Variants in PUS10 observed in about 807,000 individuals in gnomAD.
The protein encoded by PUS10 is pseudouridine synthase 10, also known as tRNA pseudouridine synthase Pus10.
In PUS10, 59 loss-of-function variants were observed where a neutral mutation model predicts 75.0. The ratio of observed to expected loss-of-function variants is 0.79; its 90% CI spans 0.64 to 0.98. The LOEUF (loss-of-function observed/expected upper bound fraction) is 0.98, where lower values mean the gene tolerates loss of function less well. Among genes scored for constraint, PUS10 ranks in the 50% least tolerant of loss-of-function variants. The probability of loss-of-function intolerance (pLI) is 0.00; values close to 1 mark genes in which losing one functional copy is unlikely to be tolerated. For missense variants in PUS10, 650 were observed against 614.4 expected, an observed-to-expected ratio of 1.06 and a Z score of -0.61; for synonymous variants, 219 against 211.6, an observed-to-expected ratio of 1.03 and a Z score of -0.30.
At chr2:61,015,313 C>T (rs562044286) in intron 1 of PUS10, among the ~76,000 whole-genome samples, 10 of 152,190 alleles carry the variant, frequency 6.6e-5, no homozygotes, top group Admixed American at 4.6e-4. Flanking sequence ...CCAGCCTGGC[C>T]AACATGGTAA....
chr2:61,001,122 T>C (rs549623698), intron 4 of PUS10, among the ~76,000 whole-genome samples: 1 of 152,346 alleles, frequency 6.6e-6, no homozygotes, highest in South Asian at 2.1e-4. Flanking sequence ...ATCAGCAGTA[T>C]ACTATCAGTT....
chr2:60,953,995 T>G lies in PUS10; in HGVS notation c.1135-7A>C. 6.2e-7 allele frequency: 1 copy of G among 1,612,264 alleles called. No homozygotes were observed. The highest frequency in any genetic ancestry group is 8.5e-7 in the Non-Finnish European group (1 of 1,178,242). On this transcript the variant is annotated splice_region_variant and splice_polypyrimidine_tract_variant and intron_variant, in intron 13 of 17. Transcript: ENST00000316752. Reference sequence around the variant, plus strand: ...TAGATGAGTTATTAATTTTCTGTAGTAGCAGAAAAAGAAAAACAATTAGCA... The same window carrying G: ...TAGATGAGTTATTAATTTTCTGTAGGAGCAGAAAAAGAAAAACAATTAGCA...
At chr2:60,979,761 T>C (rs1357664672) in intron 4 of PUS10, among the ~76,000 whole-genome samples, 1 of 152,154 alleles carries the variant, frequency 6.6e-6, no homozygotes, top group Non-Finnish European at 1.5e-5. Context: ...TAACTCTAGG[T>C]TTTCTCTCTA....
At chr2:61,009,325 G>A (rs1477258863) in intron 2 of PUS10, among the ~76,000 whole-genome samples, 1 of 152,168 alleles carries the variant, frequency 6.6e-6, no homozygotes, top group African/African-American at 2.4e-5. Context: ...GTTCTGTTGT[G>A]AGAGTCATTC....
chr2:60,947,997 A>G (rs561108418), intron 16 of PUS10, 46 bp downstream of exon 16: 8 of 1,610,646 alleles, frequency 5.0e-6, no homozygotes, highest in Middle Eastern at 1.7e-4. Context: ...AACTTTTCCA[A>G]TAGAGTTCTG....
intron 5 of PUS10, 50 bp from the exon 6 acceptor site, chr2:60,967,663 T>C: frequency 4.8e-6 from 6 of 1,259,734 alleles, no homozygotes; most frequent in Non-Finnish European, 5.7e-6. Context: ...TTACTTTTTC[T>C]ATTAAAGGCA....
chr2:60,945,727 A>G (rs972994909), intron 16 of PUS10, among the ~76,000 whole-genome samples: 3 of 152,218 alleles, frequency 2.0e-5, no homozygotes, highest in Admixed American at 1.3e-4. Context: ...GCAACTTTGT[A>G]TTTCTCTCAA....
chr2:60,942,369 A>G lies in PUS10; in HGVS notation c.*26T>C, dbSNP rs1163282607. 6.2e-7 allele frequency: 1 copy of G among 1,607,668 alleles called. No homozygotes were observed. Among genetic ancestry groups the G allele is most frequent in the Admixed American group, 1.7e-5 (1 of 60,008 alleles). ...ATGTCCACATCATGCCAGGAAAACCATACTCTTTGTCTCCAAATTTGAAAG... is the reference window on the plus strand; with the variant it reads ...ATGTCCACATCATGCCAGGAAAACCGTACTCTTTGTCTCCAAATTTGAAAG... On this transcript the variant is annotated 3_prime_UTR_variant, in exon 18 of 18. Transcript: ENST00000316752.
intron 17 of PUS10, among the ~76,000 whole-genome samples, chr2:60,944,469 C>T (rs1280973087): frequency 6.6e-6 from 1 of 152,010 alleles, no homozygotes; most frequent in African/African-American, 2.4e-5. Context: ...TGAAGAAACA[C>T]CACTCGTGAC....
chr2:61,003,884 T>C (rs1316681030), intron 4 of PUS10, among the ~76,000 whole-genome samples: 2 of 152,180 alleles, frequency 1.3e-5, no homozygotes, highest in Non-Finnish European at 2.9e-5. Flanking sequence ...ACCCTCTGTT[T>C]CTTTTGTAAG....
rs916185293 is a variant in PUS10 at position 60,972,418 on chromosome 2, C to T, written c.469-861G>A. ...CCGGGAGGCGGAGCTTGCAGTGAGC[C>T]GAGATCGCGCCACTGCCCTCCAGCC... On this transcript the variant is annotated intron_variant, in intron 4 of 17. Transcript: ENST00000316752. Among the ~76,000 whole-genome samples the T allele has an allele frequency of 2.6e-5, 4 of 151,578 alleles. No individual in the cohort carries two copies. The East Asian group carries it at 7.9e-4, about 30-fold the overall frequency.
At chr2:60,999,128 C>T (rs1678677952) in intron 4 of PUS10, among the ~76,000 whole-genome samples, 1 of 152,152 alleles carries the variant, frequency 6.6e-6, no homozygotes, top group Admixed American at 6.5e-5. Context: ...ATATTGCCCT[C>T]TACTGGACTC....
chr2:61,003,594 G>C (rs935005375), intron 4 of PUS10, among the ~76,000 whole-genome samples: 1 of 150,760 alleles, frequency 6.6e-6, no homozygotes, highest in Admixed American at 6.6e-5. Flanking sequence ...ACCCAGGCTA[G>C]AGTACAGTGG....
intron 10 of PUS10, among the ~76,000 whole-genome samples, chr2:60,960,772 AG>A (rs1373341284): frequency 1.3e-5 from 2 of 151,908 alleles, no homozygotes; most frequent in Admixed American, 1.3e-4. Context: ...TGAGTTTGAA[AG>A]GAATGCTCAA....
chr2:60,944,620 T>A (rs894246904), intron 17 of PUS10, among the ~76,000 whole-genome samples: 2 of 152,354 alleles, frequency 1.3e-5, no homozygotes, highest in Non-Finnish European at 2.9e-5. Flanking sequence ...GGGGTCCTTA[T>A]AGAACTGCTT....
intron 4 of PUS10, among the ~76,000 whole-genome samples, chr2:60,996,044 A>T (rs1678438088): frequency 6.6e-6 from 1 of 152,184 alleles, no homozygotes; most frequent in South Asian, 2.1e-4. Context: ...GCAATCCTGA[A>T]TCCAATATAC....
chr2:60,971,681 G>T, intron 4 of PUS10, 124 bp from the exon 5 acceptor site: 1 of 844,932 alleles, frequency 1.2e-6, no homozygotes. Context: ...TTTAGGTGAC[G>T]AGTTAGTATT....
chr2:60,979,010 T>A (rs1677212027), intron 4 of PUS10, among the ~76,000 whole-genome samples: 1 of 152,120 alleles, frequency 6.6e-6, no homozygotes, highest in Admixed American at 6.5e-5. Flanking sequence ...AAAATAAATA[T>A]AGACTGAGAA....
At chr2:61,017,678 T>G in intron 1 of PUS10, 1 of 1,137,408 alleles carries the variant, frequency 8.8e-7, no homozygotes, top group Non-Finnish European at 1.3e-6. Flanking sequence ...GTTCTGCCCG[T>G]TGTGTCTTAC....
Sources: allele counts gnomAD v4.1 joint callset (sites outside exome capture counted in the v4.1 genomes callset), GRCh38; gene constraint gnomAD v4.1.1; transcripts MANE v1.5; gene names NCBI Gene and HGNC (gene_info 2026-07-23, HGNC 2026-07-21).